Variants in PRKG2 observed in about 807,000 individuals in gnomAD.
PRKG2 encodes the protein cGMP-dependent protein kinase 2.
In PRKG2, 33 loss-of-function variants were observed where a neutral mutation model predicts 97.2. That is an observed-to-expected ratio of 0.34 (90% CI 0.26 to 0.45). The LOEUF is 0.45. Ranked by LOEUF, PRKG2 falls within the 20% of genes least tolerant of loss-of-function variation. The pLI is 1.00. For missense variants in PRKG2, 638 were observed against 900.0 expected (o/e 0.71, Z 3.73); for synonymous variants, 330 against 321.8 (o/e 1.03, Z -0.27).
intron 12 of PRKG2, among the ~76,000 whole-genome samples, 192 bp downstream of exon 12, chr4:81,140,341 G>A (rs1747152641): frequency 6.6e-6 from 1 of 151,998 alleles, no homozygotes; most frequent in African/African-American, 2.4e-5. Flanking sequence ...ATGCTCAAGG[G>A]GATGGATACC....
At chr4:81,098,883 C>T (rs915930850) in intron 17 of PRKG2, among the ~76,000 whole-genome samples, 5 of 152,138 alleles carry the variant, frequency 3.3e-5, no homozygotes, top group African/African-American at 1.2e-4. Context: ...ACAAAGTGAG[C>T]AAATGTTGTT....
chr4:81,189,606 T>G (rs1222239267), intron 2 of PRKG2, among the ~76,000 whole-genome samples: 1 of 148,886 alleles, frequency 6.7e-6, no homozygotes, highest in African/African-American at 2.6e-5. Context: ...CTCTGGGGAC[T>G]GTTGTGGGGT....
intron 8 of PRKG2, among the ~76,000 whole-genome samples, chr4:81,151,723 T>C (rs919051290): frequency 4.6e-5 from 7 of 152,104 alleles, no homozygotes; most frequent in African/African-American, 1.7e-4. Context: ...AACTAAAAAG[T>C]TTAATAGAAC....
At chr4:81,103,307 C>T (rs1490140406) in intron 17 of PRKG2, among the ~76,000 whole-genome samples, 3 of 151,938 alleles carry the variant, frequency 2.0e-5, no homozygotes, top group African/African-American at 7.3e-5. Context: ...TATCCCTCCC[C>T]GCTCCCCCCA....
intron 12 of PRKG2, among the ~76,000 whole-genome samples, chr4:81,139,289 T>C (rs1424665602): frequency 6.6e-6 from 1 of 152,146 alleles, no homozygotes; most frequent in Non-Finnish European, 1.5e-5. Context: ...AAATTCAAGA[T>C]CAGGATGCTC....
At chr4:81,106,730 T>C (rs577757122) in intron 15 of PRKG2, among the ~76,000 whole-genome samples, 30 of 152,120 alleles carry the variant, frequency 2.0e-4, no homozygotes, top group African/African-American at 4.8e-5. Flanking sequence ...CTAATCCCAG[T>C]GTGATGGTAT....
intron 7 of PRKG2, chr4:81,153,361 C>T (rs2110060200): frequency 3.8e-6 from 1 of 264,486 alleles, no homozygotes; most frequent in African/African-American, 2.2e-5. Context: ...CAGAAGGGAC[C>T]TTATAAATAA....
intron 4 of PRKG2, 68 bp from the exon 5 acceptor site, chr4:81,169,836 T>C: frequency 9.8e-7 from 1 of 1,022,326 alleles, no homozygotes. Context: ...AAAATATAAA[T>C]CGATGGATTT....
rs531970335 is a variant in PRKG2 at position 81,194,157 on chromosome 4, G to T, written c.461+10430C>A. ...CCCAAAGAGACACTGATCTTCAAGG[G>T]TATGACTGTGTTTTTCTTATTACTT... On this transcript the variant is annotated intron_variant, in intron 2 of 18. Transcript: ENST00000264399. Among the ~76,000 whole-genome samples the T allele has an allele frequency of 5.3e-5, 8 of 152,162 alleles. No homozygotes were observed. The South Asian group carries it at 1.7e-3, about 32-fold the overall frequency.
In PRKG2 at chr4:81,174,807, A is replaced by G. The variant is rs1750781744; in HGVS notation, c.614T>C (p.Ile205Thr). ...GTGAAACCCACCTGCCAGCACAAAG[A>G]TATGGTTTCCTGGTTCTCCTTGCTT... The part of the protein sequence containing the change: ...IIKQGEPGNH[I>T]FVLAEGRLEV... Residue 205 changes from isoleucine to threonine, a missense_variant, in exon 3 of 19, where the codon ATC (isoleucine) becomes ACC (threonine). Transcript: ENST00000264399. The G allele has an allele frequency of 6.2e-7, 1 of 1,611,528 alleles. No homozygotes were observed. Among genetic ancestry groups the G allele is most frequent in the Non-Finnish European group, 8.5e-7 (1 of 1,178,826 alleles).
intron 17 of PRKG2, 65 bp downstream of exon 17, chr4:81,104,305 T>C (rs1352158189): frequency 3.2e-6 from 4 of 1,246,866 alleles, no homozygotes. Context: ...TGAGAGAAGC[T>C]TTTGCAAGTA....
intron 14 of PRKG2, among the ~76,000 whole-genome samples, chr4:81,132,728 C>CCT (rs1468483363): frequency 6.6e-6 from 1 of 152,132 alleles, no homozygotes; most frequent in Non-Finnish European, 1.5e-5. Flanking sequence ...GCTTTCATTG[C>CCT]ATATATAATT....
chr4:81,182,417 C>T (rs1195735868), intron 2 of PRKG2, among the ~76,000 whole-genome samples: 2 of 151,872 alleles, frequency 1.3e-5, no homozygotes, highest in African/African-American at 4.8e-5. Flanking sequence ...TGATAAAATA[C>T]ATCTATAAAA....
chr4:81,149,277 G>C (rs933177612), intron 8 of PRKG2, among the ~76,000 whole-genome samples: 3 of 151,986 alleles, frequency 2.0e-5, no homozygotes, highest in Non-Finnish European at 4.4e-5. Context: ...GATCAAAGGA[G>C]AACTATTCAC....
intron 2 of PRKG2, among the ~76,000 whole-genome samples, chr4:81,198,920 GAT>G (rs1753125350): frequency 6.6e-6 from 1 of 152,146 alleles, no homozygotes; most frequent in South Asian, 2.1e-4. Flanking sequence ...ACTTTCACCA[GAT>G]ATATCACCCA....
chr4:81,135,934 T>A (rs1400116451), intron 13 of PRKG2, among the ~76,000 whole-genome samples: 3 of 152,088 alleles, frequency 2.0e-5, no homozygotes, highest in Admixed American at 2.0e-4. Flanking sequence ...TTTCACTCAC[T>A]ATATCCTTGA....
At chr4:81,194,857 C>G (rs1334387944) in intron 2 of PRKG2, among the ~76,000 whole-genome samples, 1 of 152,164 alleles carries the variant, frequency 6.6e-6, no homozygotes, top group African/African-American at 2.4e-5. Flanking sequence ...GGGAAACCTG[C>G]TCCTATAACA....
intron 2 of PRKG2, among the ~76,000 whole-genome samples, chr4:81,203,792 A>C (rs1753468885): frequency 1.3e-5 from 2 of 152,122 alleles, no homozygotes; most frequent in Admixed American, 6.6e-5. Context: ...TTAAAAACTC[A>C]AATTTTTAAA....
At chr4:81,206,077 C>A (rs567186867) in intron 1 of PRKG2, among the ~76,000 whole-genome samples, 3 of 152,086 alleles carry the variant, frequency 2.0e-5, no homozygotes, top group Non-Finnish European at 4.4e-5. Context: ...TGAGTCAATT[C>A]GATGAAAATA....
Sources: gnomAD v4.1 joint callset for allele counts (sites outside exome capture counted in the v4.1 genomes callset) on GRCh38, gnomAD v4.1.1 for gene constraint, MANE v1.5 for transcripts, NCBI Gene and HGNC (gene_info 2026-07-23, HGNC 2026-07-21) for gene names.